Variants in TSC2 observed in about 807,000 individuals in gnomAD.
TSC2 encodes the protein TSC complex subunit 2, also known as tuberin.
Under a neutral mutation model 202.2 loss-of-function variants are expected in TSC2, and 29 were observed. The ratio of observed to expected loss-of-function variants is 0.14; its 90% CI spans 0.11 to 0.20. The LOEUF is 0.20. TSC2 is among the 10% of genes least tolerant of loss of function. The pLI is 1.00. For missense variants in TSC2, 2,429 were observed against 2,420.0 expected, an observed-to-expected ratio of 1.00 and a Z score of -0.08; for synonymous variants, 1,349 against 1,044.0, an observed-to-expected ratio of 1.29 and a Z score of -5.63.
At chr16:2,055,892 A>C (rs1198332533) in intron 6 of TSC2, 2 of 217,522 alleles carry the variant, frequency 9.2e-6, no homozygotes, top group Non-Finnish European at 1.8e-5. Context: ...CTCCATCTCA[A>C]AAAAAAAAAA....
At chr16:2,075,328 C>G (rs1051839118) in intron 22 of TSC2, 1 of 178,240 alleles carries the variant, frequency 5.6e-6, no homozygotes, top group African/African-American at 2.5e-5. Flanking sequence ...GAGATCGAGA[C>G]CATCTGGCGA....
In TSC2 at chr16:2,080,109, C is replaced by A. The variant is rs1399869076; in HGVS notation, c.3398-56C>A. 3 of 1,604,988 alleles carry A rather than the reference C, an allele frequency of 1.9e-6. No homozygotes were observed. The African/African-American group carries it at 4.0e-5, about 21-fold the overall frequency. ...CTCGGGGGGAGCATTCAGCTTGAGG[C>A]TGGTGGTTTTGCATCAGGTAAGTGG... On this transcript the variant is annotated intron_variant, in intron 29 of 41. Coordinates refer to ENST00000219476, the MANE Select transcript of TSC2 (RefSeq NM_000548.5).
Position 2,087,894 on chromosome 16 carries a change from C to T in TSC2, c.5021C>T (p.Thr1674Ile), listed in dbSNP as rs1555439727. Residue 1674 changes from threonine to isoleucine, a missense_variant, in exon 39 of 42, where the codon ACC becomes ATC. Coordinates refer to ENST00000219476, the MANE Select transcript of TSC2 (RefSeq NM_000548.5). ...GQFNFVHVIVTPLDYECNLVS... is the reference protein window; with the variant it reads ...GQFNFVHVIVIPLDYECNLVS... ...TTCAACTTTGTCCACGTGATCGTCA[C>T]CCCGCTGGACTACGAGTGCAACCTG... 1.2e-6 allele frequency: 2 copies of T among 1,611,868 alleles called. No individual in the cohort carries two copies. Among genetic ancestry groups the T allele is most frequent in the Middle Eastern group, 1.6e-4 (1 of 6,082 alleles).
Position 2,072,821 on chromosome 16 carries a change from A to G in TSC2, c.2221-28A>G, listed in dbSNP as rs7196184. On this transcript the variant is annotated intron_variant, in intron 20 of 41. Coordinates refer to ENST00000219476, the MANE Select transcript of TSC2 (RefSeq NM_000548.5). ...ACCCCGTGACCTGGCCGCTGGGGAGAGGTTTCATGCCTGGATTTGGTCATC... is the reference window on the plus strand; with the variant it reads ...ACCCCGTGACCTGGCCGCTGGGGAGGGGTTTCATGCCTGGATTTGGTCATC... 31,108 of 1,612,948 alleles carry G rather than the reference A, an allele frequency of 0.019. 4,960 individuals are homozygous for G. In the African/African-American group the frequency reaches 0.35, roughly 18 times the overall value.
At chr16:2,072,126 C>A in intron 19 of TSC2, 115 bp from the exon 20 acceptor site, 1 of 1,575,564 alleles carries the variant, frequency 6.3e-7, no homozygotes, top group Non-Finnish European at 8.6e-7. Flanking sequence ...CGGCTGAGAA[C>A]AGGGCTCCAT....
chr16:2,071,441 A>AGGT lies in TSC2; in HGVS notation c.1840-66_1840-64dup, dbSNP rs1285953051. 1.9e-6 allele frequency: 3 copies of AGGT among 1,558,422 alleles called. No individual in the cohort carries two copies. The African/African-American group carries it at 4.1e-5, about 21-fold the overall frequency. Reference sequence around the variant, plus strand: ...TGTGGTGCTGGACGTGGGTCTGAGCAGGTGGGACGCCGCCTGTCCTGGGCC... The same window carrying AGGT: ...TGTGGTGCTGGACGTGGGTCTGAGCAGGTGGTGGGACGCCGCCTGTCCTGGGCC... On this transcript the variant is annotated intron_variant, in intron 17 of 41. Transcript: ENST00000219476.
Position 2,089,090 on chromosome 16 carries a change from G to GCAGA in TSC2, c.*484_*487dup, listed in dbSNP as rs577209727. ...GCCTCTGGGGTGATGAGAGTGCCTGGCAGACAGCTGTGCCCCCAGCACCGG... is the reference window on the plus strand; with the variant it reads ...GCCTCTGGGGTGATGAGAGTGCCTGGCAGACAGACAGCTGTGCCCCCAGCACCGG... On this transcript the variant is annotated 3_prime_UTR_variant, in exon 42 of 42. Transcript: ENST00000219476. The GCAGA allele has an allele frequency of 1.1e-4, 19 of 176,556 alleles. No homozygotes were observed. In the East Asian group the frequency reaches 2.8e-3, roughly 26 times the overall value. 10.9% of individuals were successfully genotyped at this position (176,556 alleles called of 1,614,324 possible).
In TSC2 at chr16:2,088,146, G is replaced by C. The variant is rs45506600; in HGVS notation, c.5160+7G>C. 35 of 1,612,876 alleles carry C rather than the reference G, an allele frequency of 2.2e-5. No homozygotes were observed. The highest frequency in any genetic ancestry group is 4.0e-5 in the African/African-American group (3 of 74,924). On this transcript the variant is annotated splice_region_variant and intron_variant, in intron 40 of 41. Transcript: ENST00000219476. ...GATGGCCCTGCACGCAAATGTGAGTGGGGGTGGGTCCAGGCGTGAGCTGGT... is the reference window on the plus strand; with the variant it reads ...GATGGCCCTGCACGCAAATGTGAGTCGGGGTGGGTCCAGGCGTGAGCTGGT...
In TSC2 at chr16:2,064,600, T is replaced by C. The variant is rs2087063469; in HGVS notation, c.1599+173T>C. ...AGGCCTGTGCAGGGCCTGCCACTGC[T>C]GGATTTGTGTCCTGACTGAAAGTCC... On this transcript the variant is annotated intron_variant, in intron 15 of 41. Transcript: ENST00000219476. 4.2e-6 allele frequency: 4 copies of C among 944,128 alleles called. No homozygotes were observed. In the South Asian group the frequency reaches 6.1e-5, roughly 14 times the overall value. The allele number at this position is 944,128 out of a possible 1,614,324, so 58.5% of individuals were successfully genotyped here.
chr16:2,073,677 G>T (rs2088836764), intron 21 of TSC2, among the ~76,000 whole-genome samples: 1 of 152,258 alleles, frequency 6.6e-6, no homozygotes, highest in Middle Eastern at 3.2e-3. Context: ...CATGGGTCTT[G>T]CCTCAAAGCA....
chr16:2,084,737 G>A (rs748838230), intron 34 of TSC2, 22 bp downstream of exon 34: 15 of 1,598,292 alleles, frequency 9.4e-6, no homozygotes, highest in Middle Eastern at 1.6e-4. Context: ...GCTTCCGGGC[G>A]GGGCTCCTGA....
chr16:2,088,910 T>A lies in TSC2; in HGVS notation c.*300T>A. ...ACACACACACACACAGTCACCTTCC[T>A]CCACCCTGGGAGCCAGCCCCCAGGA... On this transcript the variant is annotated 3_prime_UTR_variant, in exon 42 of 42. Transcript: ENST00000219476. The A allele has an allele frequency of 2.5e-6, 1 of 400,374 alleles. No homozygotes were observed. The allele number at this position is 400,374 out of a possible 1,614,324, so 24.8% of individuals were successfully genotyped here. A position where few individuals can be genotyped will look rare whatever the true frequency, so the allele number is the denominator to read the frequency against.
At position 2,055,068 on chromosome 16, in the gene TSC2, G is replaced by A. The variant is rs191403872; in HGVS notation, c.482-334G>A. 7.2e-3 allele frequency: 3,048 copies of A among 422,838 alleles called. 27 individuals are homozygous for A. The highest frequency in any genetic ancestry group is 0.011 in the Non-Finnish European group (2,404 of 223,606). The allele number at this position is 422,838 out of a possible 1,614,324, so 26.2% of individuals were successfully genotyped here. ...TCCTCCGAGCCACTCTCTGCTGGGG[G>A]TGGGGAACGCCCAGGAGTCTGGTGA... On this transcript the variant is annotated intron_variant, in intron 5 of 41. Transcript: ENST00000219476.
intron 30 of TSC2, chr16:2,081,323 C>T (rs1286658402): frequency 1.9e-6 from 1 of 520,938 alleles, no homozygotes; most frequent in Non-Finnish European, 3.5e-6. Flanking sequence ...GGGTTCCAGC[C>T]CTCGTGGAGG....
chr16:2,049,507 C>T (rs960725866), intron 2 of TSC2, among the ~76,000 whole-genome samples: 7 of 152,184 alleles, frequency 4.6e-5, no homozygotes, highest in South Asian at 2.1e-4. Context: ...ACAACTAAAA[C>T]GTTCATCAAC....
chr16:2,066,775 C>T (rs1180626976), intron 16 of TSC2, among the ~76,000 whole-genome samples: 2 of 151,000 alleles, frequency 1.3e-5, no homozygotes, highest in African/African-American at 4.9e-5. Flanking sequence ...ATTCTCCTAC[C>T]TCAGCCTCCT....
rs1057522671 is a variant in TSC2, at chr16:2,086,876, G to A, written c.4989+5G>A. ...TTCAAGCTTGGCACCATCAAGGTGA[G>A]TGAGGGGCCGTCAGTGAGGCTGGGC... On this transcript the variant is annotated splice_donor_5th_base_variant and intron_variant, in intron 38 of 41. Coordinates refer to ENST00000219476, the MANE Select transcript of TSC2 (RefSeq NM_000548.5). 1.3e-6 allele frequency: 2 copies of A among 1,577,376 alleles called. No homozygotes were observed. Among genetic ancestry groups the A allele is most frequent in the Non-Finnish European group, 1.7e-6 (2 of 1,162,836 alleles).
At chr16:2,070,120 G>A (rs1363383225) in intron 16 of TSC2, among the ~76,000 whole-genome samples, 3 of 152,080 alleles carry the variant, frequency 2.0e-5, no homozygotes, top group Non-Finnish European at 4.4e-5. Flanking sequence ...AGGTGCCCTT[G>A]ACCTTTTGGG....
intron 30 of TSC2, 195 bp from the exon 31 acceptor site, chr16:2,081,400 C>G: frequency 1.4e-6 from 1 of 712,980 alleles, no homozygotes; most frequent in Non-Finnish European, 2.4e-6. Context: ...CGGAGCCTGG[C>G]CTCGAGGCAG....
Sources: allele counts gnomAD v4.1 joint callset (sites outside exome capture counted in the v4.1 genomes callset), GRCh38; gene constraint gnomAD v4.1.1; transcripts MANE v1.5; gene names NCBI Gene and HGNC (gene_info 2026-07-23, HGNC 2026-07-21).